Variants in CAMTA1 observed in about 807,000 individuals in gnomAD.
CAMTA1 encodes the protein calmodulin-binding transcription activator 1.
In CAMTA1, 27 loss-of-function variants were observed where a neutral mutation model predicts 170.9. The observed-to-expected ratio is 0.16, with a 90% CI of 0.12 to 0.22. The LOEUF (loss-of-function observed/expected upper bound fraction) is 0.22, where lower values mean the gene tolerates loss of function less well. Among genes scored for constraint, CAMTA1 ranks in the 10% least tolerant of loss-of-function variants. CAMTA1 has a pLI of 1.00. For synonymous variants in CAMTA1, 833 were observed against 891.5 expected, an observed-to-expected ratio of 0.93 and a Z score of 1.17; for missense variants, 1,619 against 2,217.2, an observed-to-expected ratio of 0.73 and a Z score of 5.42.
At chr1:7,467,681 G>C in intron 5 of CAMTA1, 149 bp from the exon 6 acceptor site, 1 of 775,228 alleles carries the variant, frequency 1.3e-6, no homozygotes, top group Non-Finnish European at 2.3e-6. Context: ...TAGTCTTGGA[G>C]CTGGAGCCAG....
At chr1:6,874,225 C>T (rs781411217) in intron 3 of CAMTA1, 12 of 152,204 alleles carry the variant, frequency 7.9e-5, no homozygotes, top group Non-Finnish European at 1.3e-4. Flanking sequence ...CAGGCATAAC[C>T]GGTGTGCTGA....
At chr1:7,294,071 G>T (rs1261123091) in intron 5 of CAMTA1, among the ~76,000 whole-genome samples, 4 of 152,152 alleles carry the variant, frequency 2.6e-5, no homozygotes, top group African/African-American at 7.2e-5. Flanking sequence ...AGTTGATCCT[G>T]GTGCCCTCAA....
intron 16 of CAMTA1, among the ~76,000 whole-genome samples, chr1:7,743,696 C>A (rs1211609729): frequency 6.6e-6 from 1 of 152,094 alleles, no homozygotes; most frequent in Non-Finnish European, 1.5e-5. Flanking sequence ...CACTTAAGAA[C>A]CCGAAGTGCT....
At chr1:7,297,233 G>A (rs984011153) in intron 5 of CAMTA1, among the ~76,000 whole-genome samples, 3 of 152,190 alleles carry the variant, frequency 2.0e-5, no homozygotes, top group Non-Finnish European at 4.4e-5. Flanking sequence ...TGTGGGTTAT[G>A]TTGTTTTCTA....
chr1:7,751,437 G>C (rs1391244675), intron 20 of CAMTA1, 45 bp downstream of exon 20: 3 of 1,491,006 alleles, frequency 2.0e-6, no homozygotes, highest in Non-Finnish European at 2.7e-6. Flanking sequence ...CTAGGGAAGA[G>C]AACTCTGACT....
At chr1:7,586,746 T>C (rs1402828622) in intron 6 of CAMTA1, among the ~76,000 whole-genome samples, 2 of 152,030 alleles carry the variant, frequency 1.3e-5, no homozygotes, top group African/African-American at 4.8e-5. Flanking sequence ...TGGGGGACTG[T>C]CGACAGCCCT....
At chr1:6,925,857 T>G (rs1682979148) in intron 3 of CAMTA1, among the ~76,000 whole-genome samples, 1 of 152,200 alleles carries the variant, frequency 6.6e-6, no homozygotes, top group South Asian at 2.1e-4. Context: ...CGCTGGCTGA[T>G]CCATCACCAG....
intron 6 of CAMTA1, among the ~76,000 whole-genome samples, chr1:7,497,983 T>G (rs1248514113): frequency 6.6e-6 from 1 of 152,024 alleles, no homozygotes; most frequent in African/African-American, 2.4e-5. Flanking sequence ...AGGCCCTCAG[T>G]GCTCCCTGTG....
At chr1:7,142,916 T>G (rs997716685) in intron 4 of CAMTA1, among the ~76,000 whole-genome samples, 1 of 152,264 alleles carries the variant, frequency 6.6e-6, no homozygotes, top group Admixed American at 6.5e-5. Flanking sequence ...ACCCATTGGC[T>G]TTCATGGTGC....
chr1:7,202,556 T>C (rs1355673230), intron 4 of CAMTA1, among the ~76,000 whole-genome samples: 1 of 152,190 alleles, frequency 6.6e-6, no homozygotes, highest in East Asian at 1.9e-4. Context: ...TTTTTAAATT[T>C]GTTTCAACCA....
intron 4 of CAMTA1, among the ~76,000 whole-genome samples, chr1:7,156,275 C>CA (rs34284954): frequency 0.37 from 41,901 of 114,504 alleles, 6,608 homozygotes; most frequent in East Asian, 0.41. Context: ...AACTCCACCT[C>CA]AAAAAAAAAA....
At position 7,560,359 on chromosome 1, in the gene CAMTA1, G is replaced by A. The variant is rs150743070; in HGVS notation, c.511-80041G>A. On this transcript the variant is annotated intron_variant, in intron 6 of 22. Coordinates refer to ENST00000303635, the MANE Select transcript of CAMTA1 (RefSeq NM_015215.4). Reference sequence around the variant, plus strand: ...CTGCAGCCCAGGCTCCAGGCACTGAGCCCCAGGGGTGAGAGGCTGAGCAGA... The same window carrying A: ...CTGCAGCCCAGGCTCCAGGCACTGAACCCCAGGGGTGAGAGGCTGAGCAGA... 8.7e-3 allele frequency among the ~76,000 whole-genome samples: 1,326 copies of A among 152,362 alleles called. 15 individuals carry two copies. Among genetic ancestry groups the A allele is most frequent in the South Asian group, 0.016 (76 of 4,826 alleles).
At chr1:7,632,929 C>T (rs1170181425) in intron 6 of CAMTA1, among the ~76,000 whole-genome samples, 1 of 152,254 alleles carries the variant, frequency 6.6e-6, no homozygotes, top group Non-Finnish European at 1.5e-5. Context: ...CCCCCACCTC[C>T]GCCTCATGCC....
At chr1:7,509,470 G>A (rs2094170483) in intron 6 of CAMTA1, among the ~76,000 whole-genome samples, 1 of 152,196 alleles carries the variant, frequency 6.6e-6, no homozygotes, top group South Asian at 2.1e-4. Context: ...ATAGTCCACA[G>A]ACACTTGTAC....
intron 3 of CAMTA1, among the ~76,000 whole-genome samples, chr1:6,861,815 T>G (rs1448177487): frequency 6.6e-6 from 1 of 152,190 alleles, no homozygotes; most frequent in Admixed American, 6.5e-5. Context: ...AGAACTCTTC[T>G]CATCTTGTAA....
rs1370030253 is a variant in CAMTA1 at position 7,454,647 on chromosome 1, G to A, written c.439-13183G>A. 2.6e-5 allele frequency among the ~76,000 whole-genome samples: 4 copies of A among 152,114 alleles called. No homozygotes were observed. The South Asian group carries it at 6.2e-4, about 24-fold the overall frequency. ...GAGTGAGTTTCTCTGCCTGATCAGGGAGGATAGGAAGGGGCCTCTACCCCC... is the reference window on the plus strand; with the variant it reads ...GAGTGAGTTTCTCTGCCTGATCAGGAAGGATAGGAAGGGGCCTCTACCCCC... On this transcript the variant is annotated intron_variant, in intron 5 of 22. Coordinates refer to ENST00000303635, the MANE Select transcript of CAMTA1 (RefSeq NM_015215.4).
In CAMTA1 at chr1:7,082,097, A is replaced by G. The variant is rs115879804; in HGVS notation, c.235-9207A>G. 4.0e-3 allele frequency among the ~76,000 whole-genome samples: 615 copies of G among 152,236 alleles called. 6 individuals carry two copies. The highest frequency in any genetic ancestry group is 0.014 in the African/African-American group (585 of 41,534). On this transcript the variant is annotated intron_variant, in intron 3 of 22. Transcript: ENST00000303635. ...TCCTGGGCTGTAATCATGGTCTCCA[A>G]TCAGCGGCCTCTTCTCTACCAGGCC...
intron 3 of CAMTA1, among the ~76,000 whole-genome samples, chr1:6,932,013 T>C (rs1684503368): frequency 6.6e-6 from 1 of 152,234 alleles, no homozygotes; most frequent in Non-Finnish European, 1.5e-5. Context: ...TCACATTGTA[T>C]TCTTTTCTGA....
intron 4 of CAMTA1, among the ~76,000 whole-genome samples, chr1:7,140,197 A>G (rs1483012933): frequency 6.6e-6 from 1 of 152,210 alleles, no homozygotes; most frequent in African/African-American, 2.4e-5. Flanking sequence ...CCAGCTTCTC[A>G]AGCCCAACCT....
Sources: gnomAD v4.1 joint callset for allele counts (sites outside exome capture counted in the v4.1 genomes callset) on GRCh38, gnomAD v4.1.1 for gene constraint, MANE v1.5 for transcripts, NCBI Gene and HGNC (gene_info 2026-07-23, HGNC 2026-07-21) for gene names.